Variants in GDI2 observed in about 807,000 individuals in gnomAD.
GDI2 encodes rab GDP dissociation inhibitor beta.
In GDI2, 22 loss-of-function variants were observed where a neutral mutation model predicts 54.2. The observed-to-expected ratio is 0.41, with a 90% CI of 0.29 to 0.58. GDI2 has a LOEUF of 0.58. Among genes scored for constraint, GDI2 ranks in the 20% least tolerant of loss-of-function variants. The probability of loss-of-function intolerance (pLI) is 0.35; values close to 1 mark genes in which losing one functional copy is unlikely to be tolerated. For synonymous variants in GDI2, 177 were observed against 182.1 expected, an observed-to-expected ratio of 0.97 and a Z score of 0.23; for missense variants, 422 against 546.0, an observed-to-expected ratio of 0.77 and a Z score of 2.26.
rs764410675 is a variant in GDI2, at chr10:5,785,957, A to G, written c.482T>C (p.Ile161Thr). 2.0e-5 allele frequency: 33 copies of G among 1,612,180 alleles called. No homozygotes were observed. The Admixed American group carries it at 2.3e-4, about 11-fold the overall frequency. The part of the protein sequence containing the change: ...DEKDPRTFEG[I>T]DPKKTTMRDV... ...TCGCATTGTGGTCTTCTTAGGATCA[A>G]TGCCTTCAAAAGTTCTTGGATCTTT... is the stretch of plus-strand genomic sequence containing the variant. Residue 161 changes from isoleucine (I) to threonine (T), a missense_variant, in exon 5 of 11, where the codon ATT (isoleucine) becomes ACT (threonine). Physicochemically the swap from Ile to Thr is moderately conservative, Grantham distance 89 (BLOSUM62 -1). Transcript: ENST00000380191.
intron 1 of GDI2, among the ~76,000 whole-genome samples, chr10:5,805,363 TAA>T (rs33941987): frequency 0.13 from 13,451 of 105,998 alleles, 1,011 homozygotes; most frequent in East Asian, 0.44. Flanking sequence ...ATTTGCTCTT[TAA>T]AAAAAAAAAA....
At chr10:5,781,165 T>C (rs1235064946) in intron 6 of GDI2, among the ~76,000 whole-genome samples, 1 of 146,308 alleles carries the variant, frequency 6.8e-6, no homozygotes, top group Non-Finnish European at 1.5e-5. Context: ...CAACTAAATA[T>C]TCGTATGTAA....
In GDI2 at chr10:5,774,033, T is replaced by C; in HGVS notation, c.720-92A>G. 1.6e-6 allele frequency: 1 copy of C among 606,524 alleles called. No homozygotes were observed. The highest frequency in any genetic ancestry group is 2.9e-6 in the Non-Finnish European group (1 of 348,218). The allele number at this position is 606,524 out of a possible 1,614,324, so 37.6% of individuals were successfully genotyped here. ...AGATCTTAATGAGTTACAGACAATATACATTTGTTCAATTTCCTTCTAGAA... is the reference window on the plus strand; with the variant it reads ...AGATCTTAATGAGTTACAGACAATACACATTTGTTCAATTTCCTTCTAGAA... On this transcript the variant is annotated intron_variant, in intron 6 of 10. Coordinates refer to ENST00000380191, the MANE Select transcript of GDI2 (RefSeq NM_001494.4). This position sits in a 1 kb window ranked among gnomAD's most constrained non-coding sequence, Gnocchi z 4.8.
At chr10:5,783,231 T>C (rs1008839428) in intron 6 of GDI2, among the ~76,000 whole-genome samples, 1 of 152,102 alleles carries the variant, frequency 6.6e-6, no homozygotes, top group Non-Finnish European at 1.5e-5. Flanking sequence ...TTTTTTAAAA[T>C]ATATATAGTT....
chr10:5,810,831 G>GT (rs1841467808), intron 1 of GDI2, among the ~76,000 whole-genome samples: 2 of 151,680 alleles, frequency 1.3e-5, no homozygotes, highest in African/African-American at 4.8e-5. Context: ...AAATCGTTTT[G>GT]TATCTTCTTG....
chr10:5,775,371 T>C (rs1840595794), intron 6 of GDI2, among the ~76,000 whole-genome samples: 1 of 152,176 alleles, frequency 6.6e-6, no homozygotes, highest in South Asian at 2.1e-4. Context: ...GAAGAAACTC[T>C]TGAAAGGAAC....
chr10:5,776,676 C>CA lies in GDI2; in HGVS notation c.720-2736dup. On this transcript the variant is annotated intron_variant, in intron 6 of 10. Transcript: ENST00000380191. This position sits in a 1 kb window ranked among gnomAD's most constrained non-coding sequence, Gnocchi z 5.3. Reference sequence around the variant, plus strand: ...GTAGATGCTGATTTTGTAGAAAAGTCAGAGTTATGGAGCTTGCCGCCACAT... The same window carrying CA: ...GTAGATGCTGATTTTGTAGAAAAGTCAAGAGTTATGGAGCTTGCCGCCACAT... 1 of 1,470,990 alleles carries CA rather than the reference C, an allele frequency of 6.8e-7. No homozygotes were observed. Among genetic ancestry groups the CA allele is most frequent in the South Asian group, 1.1e-5 (1 of 87,056 alleles). The allele number at this position is 1,470,990 out of a possible 1,614,324, so 91.1% of individuals were successfully genotyped here.
intron 5 of GDI2, 90 bp from the exon 6 acceptor site, chr10:5,785,363 GCTATCTT>G (rs1365347094): frequency 3.1e-6 from 3 of 952,740 alleles, no homozygotes; most frequent in Admixed American, 2.5e-5. Flanking sequence ...ATTTCAATCC[GCTATCTT>G]CTTTTTTGTT....
chr10:5,769,739 T>G (rs1452633028), intron 7 of GDI2, among the ~76,000 whole-genome samples: 1 of 152,190 alleles, frequency 6.6e-6, no homozygotes, highest in Non-Finnish European at 1.5e-5. Context: ...AAATTAAGTG[T>G]CAAGGATATG....
intron 3 of GDI2, among the ~76,000 whole-genome samples, chr10:5,795,789 G>C (rs774070232): frequency 2.6e-5 from 4 of 152,086 alleles, no homozygotes; most frequent in Non-Finnish European, 5.9e-5. Context: ...AAATTAGCCA[G>C]GTGTGGTGGA....
intron 1 of GDI2, among the ~76,000 whole-genome samples, chr10:5,802,355 C>T (rs938484446): frequency 2.0e-5 from 3 of 151,372 alleles, no homozygotes; most frequent in African/African-American, 4.9e-5. Context: ...AATCCAAGCA[C>T]TTTGAGAGGC....
chr10:5,792,959 CAAAAAAA>C (rs34475268), intron 4 of GDI2, among the ~76,000 whole-genome samples: 5 of 92,012 alleles, frequency 5.4e-5, no homozygotes, highest in South Asian at 3.1e-4. Context: ...GACCTTTGTC[CAAAAAAA>C]AAAAAAAAAA....
At chr10:5,784,659 G>A (rs947238294) in intron 6 of GDI2, among the ~76,000 whole-genome samples, 1 of 152,222 alleles carries the variant, frequency 6.6e-6, no homozygotes, top group African/African-American at 2.4e-5. Flanking sequence ...TAGGGATGGG[G>A]CTTCCTGAGA....
intron 4 of GDI2, among the ~76,000 whole-genome samples, chr10:5,790,136 T>C (rs950011743): frequency 6.6e-6 from 1 of 152,228 alleles, no homozygotes; most frequent in Non-Finnish European, 1.5e-5. Flanking sequence ...CAAGAAAAAG[T>C]TGAATTCCTT....
chr10:5,796,029 G>C (rs2131709388), intron 3 of GDI2, among the ~76,000 whole-genome samples: 1 of 152,224 alleles, frequency 6.6e-6, no homozygotes, highest in African/African-American at 2.4e-5. Context: ...CAAAAATTTA[G>C]TTTTTCAATG....
At chr10:5,797,543 CAAAAAAAAA>C (rs772570487) in intron 2 of GDI2, among the ~76,000 whole-genome samples, 5 of 45,356 alleles carry the variant, frequency 1.1e-4, no homozygotes, top group Non-Finnish European at 1.5e-4. Flanking sequence ...GACTCCATCT[CAAAAAAAAA>C]AAAAAAAAAA....
At chr10:5,789,991 A>C (rs889349977) in intron 4 of GDI2, among the ~76,000 whole-genome samples, 1 of 152,226 alleles carries the variant, frequency 6.6e-6, no homozygotes, top group African/African-American at 2.4e-5. Context: ...GTCACAGTAA[A>C]AAGTGATCTC....
intron 6 of GDI2, 87 bp downstream of exon 6, chr10:5,785,055 C>T (rs1480542948): frequency 2.4e-6 from 2 of 835,156 alleles, no homozygotes; most frequent in African/African-American, 1.7e-5. Context: ...AGACTGATCT[C>T]ATCTCATTAT....
At position 5,768,325 on chromosome 10, in the gene GDI2, T is replaced by C; in HGVS notation, c.879A>G (p.Lys293=). 1 of 1,612,288 alleles carries C rather than the reference T, an allele frequency of 6.2e-7. No individual in the cohort carries two copies. The highest frequency in any genetic ancestry group is 8.5e-7 in the Non-Finnish European group (1 of 1,178,304). The part of the protein sequence containing the change: ...DPSYVKDRVE[K]VGQVIRVICI... ...AAATAACTCTGATCACCTGGCCCAC[T>C]TTTTCTACCCGATCTTTTACGTAGC... is the stretch of plus-strand genomic sequence containing the variant. The change falls in exon 8 of 11, where the codon AAA becomes AAG. Residue 293 remains lysine (K), a synonymous_variant. Transcript: ENST00000380191. This position sits in a 1 kb window ranked among gnomAD's most constrained non-coding sequence, Gnocchi z 4.4.
Sources: allele counts gnomAD v4.1 joint callset (sites outside exome capture counted in the v4.1 genomes callset), GRCh38; gene constraint gnomAD v4.1.1; non-coding constraint Gnocchi (gnomAD v3.1); transcripts MANE v1.5; gene names NCBI Gene and HGNC (gene_info 2026-07-23, HGNC 2026-07-21).